TSNAX: variants seen among roughly 807,000 people sequenced by gnomAD.
TSNAX encodes the protein translin associated factor X.
Under a neutral mutation model 33.0 loss-of-function variants are expected in TSNAX, and 12 were observed. The observed-to-expected ratio is 0.36, with a 90% CI of 0.23 to 0.59. The LOEUF is 0.59. Ranked by LOEUF, TSNAX falls within the 20% of genes least tolerant of loss-of-function variation. The pLI, the probability that TSNAX is intolerant of heterozygous loss-of-function variation, is 0.74. For missense variants in TSNAX, 267 were observed against 341.3 expected (o/e 0.78, Z 1.72); for synonymous variants, 110 against 117.2 (o/e 0.94, Z 0.40).
intron 4 of TSNAX, among the ~76,000 whole-genome samples, chr1:231,552,862 GC>G (rs895534354): frequency 1.3e-5 from 2 of 152,134 alleles, no homozygotes; most frequent in Non-Finnish European, 2.9e-5. Context: ...ATGGCCTCTT[GC>G]GTCTGGTTTC....
At chr1:231,529,592 A>G (rs1399844430) in intron 2 of TSNAX, among the ~76,000 whole-genome samples, 2 of 151,792 alleles carry the variant, frequency 1.3e-5, no homozygotes, top group Non-Finnish European at 2.9e-5. Flanking sequence ...AACAGTAAAC[A>G]TTAATTAATA....
intron 4 of TSNAX, among the ~76,000 whole-genome samples, chr1:231,549,079 G>T (rs1660127812): frequency 6.6e-6 from 1 of 152,184 alleles, no homozygotes; most frequent in African/African-American, 2.4e-5. Context: ...TTCTTGCTCA[G>T]TCACTTCCAT....
rs555923472 is a variant in TSNAX, at chr1:231,547,965, C to T, written c.367+5354C>T. Among the ~76,000 whole-genome samples, 39 of 151,770 alleles carry T rather than the reference C, an allele frequency of 2.6e-4. No individual in the cohort carries two copies. In the East Asian group the frequency reaches 6.8e-3, roughly 27 times the overall value. ...ATGCCATTCTCCTGCCTCAGCTTCC[C>T]GAGTAGCTGGGACTACAGGCGTCCG... On this transcript the variant is annotated intron_variant, in intron 4 of 5. Coordinates refer to ENST00000366639, the MANE Select transcript of TSNAX (RefSeq NM_005999.3).
At chr1:231,530,463 G>C (rs1658612751) in intron 2 of TSNAX, among the ~76,000 whole-genome samples, 1 of 152,084 alleles carries the variant, frequency 6.6e-6, no homozygotes, top group South Asian at 2.1e-4. Flanking sequence ...GGGAGGCCGA[G>C]GCGGGGGGAT....
At chr1:231,547,246 T>G (rs2124914937) in intron 4 of TSNAX, among the ~76,000 whole-genome samples, 1 of 152,322 alleles carries the variant, frequency 6.6e-6, no homozygotes, top group East Asian at 1.9e-4. Flanking sequence ...GTAAATGAGG[T>G]GAGTGATAGT....
chr1:231,553,970 G>A (rs945279426), intron 4 of TSNAX, among the ~76,000 whole-genome samples: 1 of 152,186 alleles, frequency 6.6e-6, no homozygotes, highest in African/African-American at 2.4e-5. Flanking sequence ...ACAGGCGTGA[G>A]CCACCACGCC....
chr1:231,535,003 G>A (rs554105770), intron 2 of TSNAX: 1 of 152,330 alleles, frequency 6.6e-6, no homozygotes, highest in South Asian at 2.1e-4. Flanking sequence ...TGATGAAAGT[G>A]AAATGTGAGA....
intron 2 of TSNAX, among the ~76,000 whole-genome samples, chr1:231,531,051 T>A (rs1420855382): frequency 6.6e-6 from 1 of 151,098 alleles, no homozygotes; most frequent in Non-Finnish European, 1.5e-5. Context: ...CTCTGCCTCC[T>A]GGGCTCAAGC....
chr1:231,533,749 A>C (rs993023720), intron 2 of TSNAX, among the ~76,000 whole-genome samples: 1 of 152,184 alleles, frequency 6.6e-6, no homozygotes, highest in African/African-American at 2.4e-5. Flanking sequence ...TATTCTCTCT[A>C]TATATGTAAA....
intron 4 of TSNAX, among the ~76,000 whole-genome samples, chr1:231,549,654 G>T (rs1660173355): frequency 6.6e-6 from 1 of 152,198 alleles, no homozygotes; most frequent in African/African-American, 2.4e-5. Context: ...AGTAGGAAAA[G>T]ATAAGCAGCC....
intron 2 of TSNAX, chr1:231,536,344 A>C (rs1659170565): frequency 6.6e-6 from 1 of 152,236 alleles, no homozygotes; most frequent in Admixed American, 6.5e-5. Context: ...ATTTGAGATT[A>C]TGTACTTTCT....
intron 3 of TSNAX, among the ~76,000 whole-genome samples, chr1:231,540,239 A>G (rs1486268812): frequency 6.6e-6 from 1 of 151,818 alleles, no homozygotes; most frequent in African/African-American, 2.4e-5. Context: ...CAGCTGAAAA[A>G]CTGTTGTGAG....
At chr1:231,553,579 C>T (rs1660475589) in intron 4 of TSNAX, among the ~76,000 whole-genome samples, 1 of 152,080 alleles carries the variant, frequency 6.6e-6, no homozygotes, top group South Asian at 2.1e-4. Context: ...CTTGTTTAAA[C>T]ATCCTCTTAC....
At chr1:231,551,996 T>C (rs1660333314) in intron 4 of TSNAX, among the ~76,000 whole-genome samples, 1 of 151,288 alleles carries the variant, frequency 6.6e-6, no homozygotes, top group Non-Finnish European at 1.5e-5. Context: ...TGTCTCTTTT[T>C]AAAAAAAGAA....
In TSNAX at chr1:231,546,222, T is replaced by G. The variant is rs530554869; in HGVS notation, c.367+3611T>G. ...CAGACACCTAATAAGTCTCCCGAAA[T>G]ACAAATGTTGAAAAGAATGAAGAAC... On this transcript the variant is annotated intron_variant, in intron 4 of 5. Transcript: ENST00000366639. Among the ~76,000 whole-genome samples, 61 of 152,328 alleles carry G rather than the reference T, an allele frequency of 4.0e-4. No individual in the cohort carries two copies. The South Asian group carries it at 0.012, about 29-fold the overall frequency.
In TSNAX at chr1:231,561,191, G is replaced by A. The variant is rs779987602; in HGVS notation, c.431G>A (p.Ser144Asn). The A allele has an allele frequency of 4.4e-6, 7 of 1,600,294 alleles. No individual in the cohort carries two copies. In the South Asian group the frequency reaches 6.7e-5, roughly 15 times the overall value. Residue 144 changes from serine (S) to asparagine (N), a missense_variant, in exon 5 of 6, where the codon AGT becomes AAT. Around this residue, in one of 2 missense-constraint regions of TSNAX, gnomAD observed 200 missense variants for 214.1 expected, o/e 0.93. Transcript: ENST00000366639. ...QHFIKTRSLI[S>N]MDEINKQLIF... ...TTCATCAAAACACGATCATTAATTA[G>A]TATGGATGAAATTAATAAACAATTG...
In TSNAX at chr1:231,528,675, A is replaced by G; in HGVS notation, c.-136A>G. On this transcript the variant is annotated 5_prime_UTR_variant, in exon 1 of 6. Transcript: ENST00000366639. ...AGTACGTGAGAGGAGACTTCCGGCC[A>G]CTGCGTTGTAGTCGGCCCGGCTGCA... 1.0e-6 allele frequency: 1 copy of G among 959,984 alleles called. No homozygotes were observed. Among genetic ancestry groups the G allele is most frequent in the Middle Eastern group, 3.2e-4 (1 of 3,090 alleles). The allele number at this position is 959,984 out of a possible 1,614,324, so 59.5% of individuals were successfully genotyped here. A position where few individuals can be genotyped will look rare whatever the true frequency, so the allele number is the denominator to read the frequency against.
In TSNAX at chr1:231,564,766, C is replaced by T; in HGVS notation, c.734C>T (p.Thr245Ile). Residue 245 changes from threonine (T) to isoleucine (I), a missense_variant, in exon 6 of 6, where the codon ACC (threonine) becomes ATC (isoleucine). Coordinates refer to ENST00000366639, the MANE Select transcript of TSNAX (RefSeq NM_005999.3). ...TACGAGGTTTCTAAGAAGCTGTATA[C>T]CTTGAAACAAAGTTTGGCCAAAGTG... ...GPYEVSKKLY[T>I]LKQSLAKVEN... The T allele has an allele frequency of 2.5e-6, 4 of 1,614,152 alleles. No individual in the cohort carries two copies. Among genetic ancestry groups the T allele is most frequent in the Non-Finnish European group, 3.4e-6 (4 of 1,180,034 alleles).
chr1:231,546,754 G>T (rs1418016513), intron 4 of TSNAX, among the ~76,000 whole-genome samples: 1 of 152,192 alleles, frequency 6.6e-6, no homozygotes, highest in Non-Finnish European at 1.5e-5. Flanking sequence ...GTGGTAGTTT[G>T]AGTGTGCTCT....
Sources: allele counts gnomAD v4.1 joint callset (sites outside exome capture counted in the v4.1 genomes callset), GRCh38; gene constraint gnomAD v4.1.1; regional missense constraint gnomAD v4.1.1; transcripts MANE v1.5; gene names NCBI Gene and HGNC (gene_info 2026-07-23, HGNC 2026-07-21).